KATNIP: variants seen among roughly 807,000 people sequenced by gnomAD.
KATNIP encodes katanin interacting protein, also known as katanin-interacting protein.
In KATNIP, 126 loss-of-function variants were observed where a neutral mutation model predicts 174.0. That is an observed-to-expected ratio of 0.72 (90% CI 0.63 to 0.84). The LOEUF is 0.84. KATNIP is among the 40% of genes least tolerant of loss of function. The pLI is 0.00. For missense variants in KATNIP, 1,958 were observed against 2,109.7 expected (o/e 0.93, Z 1.41); for synonymous variants, 810 against 835.7 (o/e 0.97, Z 0.53).
intron 6 of KATNIP, among the ~76,000 whole-genome samples, chr16:27,666,583 A>G (rs1341327981): frequency 6.6e-6 from 1 of 152,080 alleles, no homozygotes; most frequent in African/African-American, 2.4e-5. Context: ...ACACCCGGCT[A>G]ATTTTTGTAT....
intron 7 of KATNIP, among the ~76,000 whole-genome samples, chr16:27,678,480 C>T (rs1025820264): frequency 1.3e-5 from 2 of 152,102 alleles, no homozygotes; most frequent in Admixed American, 6.5e-5. Context: ...CTCCCTCTTG[C>T]TCTCCTCCTT....
rs1399462455 is a variant in KATNIP, at chr16:27,560,881, G to A, written c.7+10704G>A. Among the ~76,000 whole-genome samples, 11 of 152,214 alleles carry A rather than the reference G, an allele frequency of 7.2e-5. No individual in the cohort carries two copies. The East Asian group carries it at 2.1e-3, about 29-fold the overall frequency. ...GTTTGCTGGGTTGACACTGTAACCA[G>A]GAAAGAGATTAACGGATTTGTTCCC... On this transcript the variant is annotated intron_variant, in intron 1 of 27. Transcript: ENST00000261588.
intron 2 of KATNIP, among the ~76,000 whole-genome samples, chr16:27,602,699 T>C (rs1359225802): frequency 6.6e-6 from 1 of 151,672 alleles, no homozygotes; most frequent in African/African-American, 2.4e-5. Flanking sequence ...GGTTTTCCTC[T>C]TCTTCTTCTT....
At chr16:27,656,513 A>C (rs35856092) in intron 6 of KATNIP, among the ~76,000 whole-genome samples, 1 of 151,874 alleles carries the variant, frequency 6.6e-6, no homozygotes, top group East Asian at 1.9e-4. Context: ...AAGAAATAAC[A>C]CAATAGCAAA....
At chr16:27,677,470 C>G (rs772489987) in intron 6 of KATNIP, among the ~76,000 whole-genome samples, 12 of 152,010 alleles carry the variant, frequency 7.9e-5, no homozygotes, top group South Asian at 4.2e-4. Context: ...GCACTCCCCC[C>G]CACCCCACCT....
chr16:27,595,397 A>G (rs2075305209), intron 2 of KATNIP, among the ~76,000 whole-genome samples: 1 of 152,218 alleles, frequency 6.6e-6, no homozygotes, highest in African/African-American at 2.4e-5. Context: ...ACGTACTCAC[A>G]TACACACACA....
chr16:27,553,669 TAAA>T lies in KATNIP; in HGVS notation c.7+3493_7+3495del, dbSNP rs1043548088. Among the ~76,000 whole-genome samples the T allele has an allele frequency of 7.0e-3, 1,056 of 151,866 alleles. 15 individuals carry two copies. The highest frequency in any genetic ancestry group is 0.024 in the African/African-American group (1,003 of 41,482). ...ATCTCTACTAAATAAATAAATAAAA[TAAA>T]TAAATAAATAAATAATAGTCAGGCA... On this transcript the variant is annotated intron_variant, in intron 1 of 27. Coordinates refer to ENST00000261588, the MANE Select transcript of KATNIP (RefSeq NM_015202.5).
At chr16:27,550,293 G>A (rs1054369256) in intron 1 of KATNIP, 116 bp downstream of exon 1, 8 of 1,206,330 alleles carry the variant, frequency 6.6e-6, no homozygotes, top group Middle Eastern at 2.0e-4. Flanking sequence ...CCTGACCCAA[G>A]GGGGTCTCCG....
rs2078185952 is a variant in KATNIP at position 27,678,000 on chromosome 16, A to T, written c.808+4A>T. On this transcript the variant is annotated splice_donor_region_variant and intron_variant, in intron 7 of 27. Coordinates refer to ENST00000261588, the MANE Select transcript of KATNIP (RefSeq NM_015202.5). ...GAATTTAACCCAGCTTCCAAAAGTG[A>T]GCTCTGTCTTGTATATCATTTCTTT... The T allele has an allele frequency of 6.2e-7, 1 of 1,613,300 alleles. No individual in the cohort carries two copies. Among genetic ancestry groups the T allele is most frequent in the South Asian group, 1.1e-5 (1 of 91,064 alleles).
At chr16:27,738,075 A>G (rs2080963762) in intron 14 of KATNIP, among the ~76,000 whole-genome samples, 1 of 152,194 alleles carries the variant, frequency 6.6e-6, no homozygotes, top group Non-Finnish European at 1.5e-5. Context: ...GGGGCCCTGC[A>G]ATGGAATATT....
chr16:27,597,302 C>T (rs2075364838), intron 2 of KATNIP, among the ~76,000 whole-genome samples: 2 of 151,910 alleles, frequency 1.3e-5, no homozygotes, highest in Admixed American at 1.3e-4. Context: ...TAGCTGTTGC[C>T]ATGAGCTAGG....
In KATNIP at chr16:27,778,796, C is replaced by T. The variant is rs2082598250; in HGVS notation, c.*167C>T. 4 of 572,408 alleles carry T rather than the reference C, an allele frequency of 7.0e-6. No homozygotes were observed. The highest frequency in any genetic ancestry group is 6.6e-5 in the Admixed American group (2 of 30,400). 35.5% of individuals were successfully genotyped at this position (572,408 alleles called of 1,614,324 possible). On this transcript the variant is annotated 3_prime_UTR_variant, in exon 28 of 28. Transcript: ENST00000261588. ...TCGGGAGGACAGCCCTGGATACTACCAGAGTGACAGATGGCTGTGGCTGCA... is the reference window on the plus strand; with the variant it reads ...TCGGGAGGACAGCCCTGGATACTACTAGAGTGACAGATGGCTGTGGCTGCA...
intron 6 of KATNIP, chr16:27,654,504 A>G (rs1186771339): frequency 3.1e-6 from 3 of 976,732 alleles, no homozygotes; most frequent in African/African-American, 1.7e-5. Flanking sequence ...TTTAATGAGG[A>G]GAAGATGGGA....
intron 6 of KATNIP, among the ~76,000 whole-genome samples, chr16:27,655,313 G>A (rs867106178): frequency 7.4e-5 from 11 of 148,626 alleles, no homozygotes; most frequent in Non-Finnish European, 1.3e-4. Flanking sequence ...GGCTCACTGC[G>A]GCTTTGAACT....
chr16:27,776,003 C>T lies in KATNIP; in HGVS notation c.4449+919C>T, dbSNP rs539274099. 3.3e-5 allele frequency among the ~76,000 whole-genome samples: 5 copies of T among 152,268 alleles called. No individual in the cohort carries two copies. Among genetic ancestry groups the T allele is most frequent in the East Asian group, 1.9e-4 (1 of 5,172 alleles). On this transcript the variant is annotated intron_variant, in intron 24 of 27. Transcript: ENST00000261588. The surrounding 1 kb of genome is among the most constrained non-coding windows in gnomAD (Gnocchi z 4.7). ...ACTCAGGCCACCCACTGACGGCCAG[C>T]GGGTATTTTCCATTGTCTAGCACTG...
rs150353229 is a variant in KATNIP at position 27,600,214 on chromosome 16, A to G, written c.64-18211A>G. Among the ~76,000 whole-genome samples, 8 of 152,246 alleles carry G rather than the reference A, an allele frequency of 5.3e-5. No homozygotes were observed. In the East Asian group the frequency reaches 1.5e-3, roughly 29 times the overall value. On this transcript the variant is annotated intron_variant, in intron 2 of 27. Coordinates refer to ENST00000261588, the MANE Select transcript of KATNIP (RefSeq NM_015202.5). ...GAAAGAAGTGGGGTGAGGAGGGAGG[A>G]GGGAAAGGAACGCAGTCCCACATGG...
At chr16:27,713,023 A>T (rs1255701887) in intron 13 of KATNIP, among the ~76,000 whole-genome samples, 1 of 151,960 alleles carries the variant, frequency 6.6e-6, no homozygotes, top group Admixed American at 6.6e-5. Context: ...TCCCAGGCTA[A>T]TCTCGATCTC....
intron 14 of KATNIP, among the ~76,000 whole-genome samples, chr16:27,730,605 A>G (rs984849115): frequency 6.6e-6 from 1 of 152,178 alleles, no homozygotes; most frequent in Non-Finnish European, 1.5e-5. Context: ...AGCCTGGAAT[A>G]CCTGACCCGT....
intron 2 of KATNIP, among the ~76,000 whole-genome samples, chr16:27,594,543 A>T (rs1287748279): frequency 1.3e-5 from 2 of 151,896 alleles, no homozygotes; most frequent in African/African-American, 2.4e-5. Flanking sequence ...CTCAGATCTC[A>T]CAATTTCATG....
Sources: allele counts gnomAD v4.1 joint callset (sites outside exome capture counted in the v4.1 genomes callset), GRCh38; gene constraint gnomAD v4.1.1; non-coding constraint Gnocchi (gnomAD v3.1); transcripts MANE v1.5; gene names NCBI Gene and HGNC (gene_info 2026-07-23, HGNC 2026-07-21).